RSF1: variants seen among roughly 807,000 people sequenced by gnomAD.
RSF1 encodes the protein remodeling and spacing factor 1, also known as HBV pX-associated protein 8.
RSF1 carries 13 observed loss-of-function variants against 145.2 expected under a neutral mutation model. The ratio of observed to expected loss-of-function variants is 0.09; its 90% CI spans 0.06 to 0.14. The LOEUF (loss-of-function observed/expected upper bound fraction) is 0.14, where lower values mean the gene tolerates loss of function less well. RSF1 is among the 10% of genes least tolerant of loss of function. The pLI, the probability that RSF1 is intolerant of heterozygous loss-of-function variation, is 1.00. For synonymous variants in RSF1, 577 were observed against 592.6 expected (o/e 0.97, Z 0.38); for missense variants, 1,517 against 1,718.2 (o/e 0.88, Z 2.07).
chr11:77,729,794 A>G (rs1961152395), intron 4 of RSF1, among the ~76,000 whole-genome samples: 1 of 151,524 alleles, frequency 6.6e-6, no homozygotes, highest in African/African-American at 2.4e-5. Context: ...ATAAAACAGT[A>G]TAAATATAAC....
At chr11:77,737,498 C>A (rs948162169) in intron 4 of RSF1, among the ~76,000 whole-genome samples, 3 of 142,590 alleles carry the variant, frequency 2.1e-5, no homozygotes, top group Non-Finnish European at 4.5e-5. Context: ...AACAAAAAAA[C>A]GGAAAACTGC....
chr11:77,768,206 A>G (rs1426462548), intron 1 of RSF1, among the ~76,000 whole-genome samples: 1 of 131,012 alleles, frequency 7.6e-6, no homozygotes, highest in Non-Finnish European at 1.5e-5. Context: ...TCTGTCACCC[A>G]GACTGGAGTG....
chr11:77,741,935 T>G (rs911112982), intron 3 of RSF1, among the ~76,000 whole-genome samples: 1 of 152,206 alleles, frequency 6.6e-6, no homozygotes, highest in Non-Finnish European at 1.5e-5. Flanking sequence ...AGTAATATCA[T>G]GGGGTATTTC....
At chr11:77,732,569 G>A (rs1961233281) in intron 4 of RSF1, among the ~76,000 whole-genome samples, 1 of 152,200 alleles carries the variant, frequency 6.6e-6, no homozygotes, top group African/African-American at 2.4e-5. Context: ...CCCATCTGCT[G>A]TGGGAGGAAT....
intron 1 of RSF1, among the ~76,000 whole-genome samples, chr11:77,796,810 G>A (rs929520137): frequency 6.6e-6 from 1 of 152,174 alleles, no homozygotes; most frequent in African/African-American, 2.4e-5. Context: ...CTTCGACAAA[G>A]TCTCAGGCTA....
chr11:77,731,364 C>T (rs577862791), intron 4 of RSF1, among the ~76,000 whole-genome samples: 16 of 152,268 alleles, frequency 1.1e-4, no homozygotes, highest in African/African-American at 3.9e-4. Context: ...CTGTTAAAGT[C>T]ATTCAGTTTT....
At position 77,702,378 on chromosome 11, in the gene RSF1, T is replaced by C. The variant is rs769170944; in HGVS notation, c.851A>G (p.Lys284Arg). The C allele has an allele frequency of 4.3e-6, 7 of 1,610,274 alleles. No homozygotes were observed. The highest frequency in any genetic ancestry group is 1.3e-5 in the African/African-American group (1 of 74,462). ...TATGACTGGCAGTTTCACAAGTTCC[T>C]TTTCATCTTCTTTTTCTTTTTTCAC... Reference protein sequence around the residue: ...TTVKKEKEDEKELVKLPVIVK... With the variant: ...TTVKKEKEDERELVKLPVIVK... Residue 284 changes from lysine (K) to arginine (R), a missense_variant, in exon 6 of 16, where the codon AAG (lysine) becomes AGG (arginine). Coordinates refer to ENST00000308488, the MANE Select transcript of RSF1 (RefSeq NM_016578.4).
At chr11:77,817,929 T>A (rs1010265017) in intron 1 of RSF1, among the ~76,000 whole-genome samples, 7 of 152,200 alleles carry the variant, frequency 4.6e-5, no homozygotes, top group Non-Finnish European at 7.3e-5. Flanking sequence ...ACTTTGATGA[T>A]GATATCATGG....
intron 1 of RSF1, among the ~76,000 whole-genome samples, chr11:77,817,607 A>G (rs1167354210): frequency 1.3e-5 from 2 of 152,200 alleles, no homozygotes; most frequent in East Asian, 1.9e-4. Context: ...ATGGCAAGGT[A>G]TATAATTTTG....
chr11:77,777,384 G>A (rs112833975), intron 1 of RSF1, among the ~76,000 whole-genome samples: 4,628 of 152,190 alleles, frequency 0.03, 97 homozygotes, highest in Non-Finnish European at 0.044. Flanking sequence ...CTGAGGTCAG[G>A]AGTTTGAGAC....
intron 4 of RSF1, among the ~76,000 whole-genome samples, chr11:77,732,890 A>G (rs1961242250): frequency 6.6e-6 from 1 of 152,234 alleles, no homozygotes; most frequent in Non-Finnish European, 1.5e-5. Context: ...TCTAGAACTT[A>G]TCACAAATGG....
rs187372117 is a variant in RSF1 at position 77,769,668 on chromosome 11, G to A, written c.188-4979C>T. Among the ~76,000 whole-genome samples the A allele has an allele frequency of 4.0e-3, 603 of 152,280 alleles. 12 individuals are homozygous for A. Among genetic ancestry groups the A allele is most frequent in the East Asian group, 1.2e-3 (6 of 5,186 alleles). On this transcript the variant is annotated intron_variant, in intron 1 of 15. Transcript: ENST00000308488. ...ATTACTCAAAGATGTTTTATATTTTGACATTTTTCTAAGCATCTTTCTAGC... is the reference window on the plus strand; with the variant it reads ...ATTACTCAAAGATGTTTTATATTTTAACATTTTTCTAAGCATCTTTCTAGC...
At chr11:77,799,841 A>C (rs1396537828) in intron 1 of RSF1, among the ~76,000 whole-genome samples, 3 of 152,344 alleles carry the variant, frequency 2.0e-5, no homozygotes, top group Admixed American at 2.0e-4. Flanking sequence ...TAACAACCTT[A>C]CATAAATAAA....
At chr11:77,749,700 T>C (rs1590866019) in intron 2 of RSF1, among the ~76,000 whole-genome samples, 1 of 152,222 alleles carries the variant, frequency 6.6e-6, no homozygotes, top group African/African-American at 2.4e-5. Context: ...GACCTTTATT[T>C]ATAACATTTA....
At chr11:77,772,523 C>T (rs569671414) in intron 1 of RSF1, among the ~76,000 whole-genome samples, 1 of 152,132 alleles carries the variant, frequency 6.6e-6, no homozygotes, top group African/African-American at 2.4e-5. Flanking sequence ...ACTTAAAAAC[C>T]TGCACTTAAT....
chr11:77,758,512 A>T (rs1022288166), intron 2 of RSF1, among the ~76,000 whole-genome samples: 4 of 152,174 alleles, frequency 2.6e-5, no homozygotes, highest in Non-Finnish European at 4.4e-5. Flanking sequence ...GAGCTTTATG[A>T]GGAACTGCCA....
chr11:77,731,603 G>A (rs1961208321), intron 4 of RSF1, among the ~76,000 whole-genome samples: 2 of 152,232 alleles, frequency 1.3e-5, no homozygotes, highest in South Asian at 2.1e-4. Flanking sequence ...GGAAAACATG[G>A]TTTCATGGAT....
At chr11:77,789,871 C>A (rs866371647) in intron 1 of RSF1, among the ~76,000 whole-genome samples, 1 of 152,224 alleles carries the variant, frequency 6.6e-6, no homozygotes, top group Admixed American at 6.5e-5. Context: ...GTGAGCACAC[C>A]TCCCAGCGGC....
intron 8 of RSF1, among the ~76,000 whole-genome samples, chr11:77,692,233 ATTTT>A (rs71046904): frequency 3.0e-4 from 15 of 49,472 alleles, no homozygotes; most frequent in Non-Finnish European, 4.6e-4. Flanking sequence ...CTACTTTTAA[ATTTT>A]TTTTTTTTTT....
Sources: allele counts gnomAD v4.1 joint callset (sites outside exome capture counted in the v4.1 genomes callset), GRCh38; gene constraint gnomAD v4.1.1; transcripts MANE v1.5; gene names NCBI Gene and HGNC (gene_info 2026-07-23, HGNC 2026-07-21).